The following COL5A2 variants were observed in gnomAD, a reference collection of about 807,000 sequenced individuals.
The protein encoded by COL5A2 is collagen type V alpha 2 chain.
COL5A2 carries 23 observed loss-of-function variants against 208.2 expected under a neutral mutation model. The observed-to-expected ratio is 0.11, with a 90% confidence interval of 0.08 to 0.16. The LOEUF is 0.16. COL5A2 is among the 10% of genes least tolerant of loss of function. The probability of loss-of-function intolerance (pLI) is 1.00; values close to 1 mark genes in which losing one functional copy is unlikely to be tolerated. For missense variants in COL5A2, 1,590 were observed against 1,956.4 expected (o/e 0.81, Z 3.53); for synonymous variants, 625 against 628.5 (o/e 0.99, Z 0.08).
Position 189,066,795 on chromosome 2 carries a change from T to C in COL5A2, c.1402-13A>G, listed in dbSNP as rs1686162317. ...CTCCTGGATCACCCTGAAAAAAATA[T>C]ATTGATATTTGTAAGAACCAGGACA... On this transcript the variant is annotated splice_polypyrimidine_tract_variant and intron_variant, in intron 21 of 53. Transcript: ENST00000374866. 1.9e-6 allele frequency: 3 copies of C among 1,608,240 alleles called. No homozygotes were observed. Among genetic ancestry groups the C allele is most frequent in the South Asian group, 1.1e-5 (1 of 90,980 alleles).
chr2:189,197,654 G>C (rs1239706012), intron 1 of COL5A2, among the ~76,000 whole-genome samples: 1 of 151,154 alleles, frequency 6.6e-6, no homozygotes, highest in African/African-American at 2.4e-5. Context: ...ACAAATGATC[G>C]TTAAACTAAG....
At chr2:189,316,160 G>A in the COL5A2 span, among the ~76,000 whole-genome samples, 1 of 152,076 alleles carries the variant, frequency 6.6e-6, no homozygotes, top group African/African-American at 2.4e-5. Context: ...ACATGCACAT[G>A]TATGTTCCTT....
In COL5A2 at chr2:189,053,917, G is replaced by C; in HGVS notation, c.2477C>G (p.Pro826Arg). The change falls in exon 37 of 54, where the codon CCT becomes CGT. Residue 826 changes from proline to arginine, a missense_variant. Coordinates refer to ENST00000374866, the MANE Select transcript of COL5A2 (RefSeq NM_000393.5). ...TACAGGATTGCCCCGGGAGCCAGGA[G>C]GGCCAACTAAACCTCGAGGACCAGG... Reference protein sequence around the residue: ...GEPGPRGLVGPPGSRGNPGSR... With the variant: ...GEPGPRGLVGRPGSRGNPGSR... The C allele has an allele frequency of 6.2e-7, 1 of 1,614,020 alleles. No individual in the cohort carries two copies. The highest frequency in any genetic ancestry group is 8.5e-7 in the Non-Finnish European group (1 of 1,179,976).
the COL5A2 span, among the ~76,000 whole-genome samples, chr2:189,388,387 AC>A: frequency 6.6e-6 from 1 of 152,170 alleles, no homozygotes; most frequent in Admixed American, 6.5e-5. Flanking sequence ...GGGAACAGAC[AC>A]TATAATAGTC....
the COL5A2 span, among the ~76,000 whole-genome samples, chr2:189,417,272 T>G: frequency 1.3e-5 from 2 of 152,178 alleles, no homozygotes; most frequent in African/African-American, 4.8e-5. Flanking sequence ...ACGGCATCAC[T>G]AAATATGATT....
intron 4 of COL5A2, among the ~76,000 whole-genome samples, chr2:189,099,445 T>A (rs1687003795): frequency 6.6e-6 from 1 of 151,954 alleles, no homozygotes. Flanking sequence ...GCCAAACTGG[T>A]GAAACCCCGT....
intron 1 of COL5A2, among the ~76,000 whole-genome samples, chr2:189,194,677 G>A (rs1688975132): frequency 6.6e-6 from 1 of 152,144 alleles, no homozygotes; most frequent in South Asian, 2.1e-4. Flanking sequence ...TCTTGCACTG[G>A]ATTTCAATGG....
At chr2:189,098,051 G>A (rs531389621) in intron 5 of COL5A2, among the ~76,000 whole-genome samples, 70 of 147,760 alleles carry the variant, frequency 4.7e-4, no homozygotes, top group East Asian at 4.3e-3. Context: ...CCTGGGAAAT[G>A]GCTGTTGCCA....
At chr2:189,393,169 A>C in the COL5A2 span, among the ~76,000 whole-genome samples, 1 of 151,932 alleles carries the variant, frequency 6.6e-6, no homozygotes, top group African/African-American at 2.4e-5. Flanking sequence ...TTTTTTTTTA[A>C]TCTTCAAATC....
At chr2:189,278,407 ACATT>A in the COL5A2 span, among the ~76,000 whole-genome samples, 7 of 152,110 alleles carry the variant, frequency 4.6e-5, no homozygotes, top group Non-Finnish European at 1.0e-4. Context: ...ATTAAGGAGA[ACATT>A]CAGTCAGTCA....
intron 14 of COL5A2, 26 bp from the exon 15 acceptor site, chr2:189,079,133 A>C (rs759483864): frequency 1.9e-6 from 3 of 1,588,874 alleles, no homozygotes; most frequent in Non-Finnish European, 2.6e-6. Flanking sequence ...AATACATTAC[A>C]GTATGAGAAG....
At chr2:189,116,237 C>T (rs1281955733) in intron 1 of COL5A2, among the ~76,000 whole-genome samples, 1 of 152,224 alleles carries the variant, frequency 6.6e-6, no homozygotes, top group South Asian at 2.1e-4. Context: ...GTAATAAAGC[C>T]GCCCACGTGT....
chr2:189,129,658 C>G (rs1206627396), intron 1 of COL5A2, among the ~76,000 whole-genome samples: 1 of 151,930 alleles, frequency 6.6e-6, no homozygotes, highest in Non-Finnish European at 1.5e-5. Context: ...AAATCATTTT[C>G]AAATTAGGAA....
chr2:189,417,848 A>G, the COL5A2 span, among the ~76,000 whole-genome samples: 1 of 151,670 alleles, frequency 6.6e-6, no homozygotes, highest in Admixed American at 6.6e-5. Flanking sequence ...ATGTGTATAT[A>G]TATATGCACA....
intron 12 of COL5A2, 43 bp downstream of exon 12, chr2:189,083,940 TC>T: frequency 1.4e-6 from 2 of 1,389,380 alleles, no homozygotes; most frequent in South Asian, 2.3e-5. Context: ...AATTCAATGT[TC>T]TTTATTTTTC....
At chr2:189,281,056 A>G in the COL5A2 span, among the ~76,000 whole-genome samples, 1 of 152,052 alleles carries the variant, frequency 6.6e-6, no homozygotes. Context: ...TTTTAACAAT[A>G]TATTTGCACG....
intron 6 of COL5A2, among the ~76,000 whole-genome samples, chr2:189,093,175 G>A (rs1476088468): frequency 6.6e-6 from 1 of 152,116 alleles, no homozygotes. Context: ...GGCAGCTTGG[G>A]GAACAGCCAC....
intron 46 of COL5A2, 103 bp downstream of exon 46, chr2:189,045,697 A>T (rs535185320): frequency 1.1e-6 from 1 of 894,052 alleles, no homozygotes; most frequent in Non-Finnish European, 1.9e-6. Context: ...TAGAGTCCTT[A>T]ACGAAGTGCA....
At chr2:189,190,877 T>A (rs1688914426) in intron 1 of COL5A2, among the ~76,000 whole-genome samples, 1 of 152,152 alleles carries the variant, frequency 6.6e-6, no homozygotes. Context: ...AATGCAGATA[T>A]GTACAGGATA....
Sources: gnomAD v4.1 joint callset for allele counts (sites outside exome capture counted in the v4.1 genomes callset) on GRCh38, gnomAD v4.1.1 for gene constraint, MANE v1.5 for transcripts, NCBI Gene and HGNC (gene_info 2026-07-23, HGNC 2026-07-21) for gene names.